The following SMIM10L3 variants were observed in gnomAD, a reference collection of about 807,000 sequenced individuals.
SMIM10L3 encodes the protein small integral membrane protein 10 like 3, also known as salivary gland specific protein SAGSIN1.
chr7:6,333,556 T>C, the SMIM10L3 span, among the ~76,000 whole-genome samples: 2 of 152,136 alleles, frequency 1.3e-5, no homozygotes, highest in East Asian at 3.9e-4. Context: ...TGGAGGACAA[T>C]GGCGTGATCA....
the SMIM10L3 span, among the ~76,000 whole-genome samples, chr7:6,333,972 A>G: frequency 6.1e-3 from 905 of 148,274 alleles, 5 homozygotes; most frequent in Middle Eastern, 0.015. Flanking sequence ...TCAGCCTCCC[A>G]AGTAGCTGGG....
At chr7:6,334,502 C>T in the SMIM10L3 span, among the ~76,000 whole-genome samples, 1 of 152,126 alleles carries the variant, frequency 6.6e-6, no homozygotes, top group Non-Finnish European at 1.5e-5. Context: ...GAGTCTCACT[C>T]TGTCACCCAG....
chr7:6,338,894 G>A, the SMIM10L3 span, among the ~76,000 whole-genome samples: 1 of 152,194 alleles, frequency 6.6e-6, no homozygotes, highest in Non-Finnish European at 1.5e-5. Context: ...GGGCCGCGGT[G>A]GGCCTTGAGG....
At chr7:6,331,343 C>G in the SMIM10L3 span, 1 of 638,474 alleles carries the variant, frequency 1.6e-6, no homozygotes, top group Non-Finnish European at 2.7e-6. Flanking sequence ...TTATGACAGT[C>G]TCCAGTACAG....
At chr7:6,335,366 G>A in the SMIM10L3 span, among the ~76,000 whole-genome samples, 1 of 151,896 alleles carries the variant, frequency 6.6e-6, no homozygotes, top group African/African-American at 2.4e-5. Flanking sequence ...GTGATTACAA[G>A]CGCCCGCCAC....
the SMIM10L3 span, among the ~76,000 whole-genome samples, chr7:6,339,913 C>G: frequency 3.2e-4 from 49 of 152,036 alleles, no homozygotes; most frequent in African/African-American, 1.1e-3. Context: ...GAGCATGAGT[C>G]TCACTCTGCC....
chr7:6,330,719 G>A, the SMIM10L3 span: 12 of 1,614,092 alleles, frequency 7.4e-6, no homozygotes, highest in Non-Finnish European at 9.3e-6. Context: ...TCTCCTTTGG[G>A]GCACTGTCCT....
At chr7:6,340,273 C>T in the SMIM10L3 span, among the ~76,000 whole-genome samples, 1 of 152,148 alleles carries the variant, frequency 6.6e-6, no homozygotes, top group African/African-American at 2.4e-5. Flanking sequence ...CTAAGGGCAT[C>T]CCAGCTGCTG....
the SMIM10L3 span, among the ~76,000 whole-genome samples, chr7:6,337,073 C>CTTTT: frequency 4.8e-5 from 7 of 144,934 alleles, no homozygotes; most frequent in South Asian, 8.8e-4. Context: ...TATTTTAATT[C>CTTTT]TTTTTTTTTT....
At chr7:6,336,232 G>C in the SMIM10L3 span, among the ~76,000 whole-genome samples, 1 of 151,454 alleles carries the variant, frequency 6.6e-6, no homozygotes, top group Admixed American at 6.6e-5. Context: ...TGTAGTCCCA[G>C]TCACTTGAGA....
chr7:6,335,845 G>C, the SMIM10L3 span, among the ~76,000 whole-genome samples: 1 of 151,984 alleles, frequency 6.6e-6, no homozygotes, highest in Non-Finnish European at 1.5e-5. Context: ...GACCAGCCTG[G>C]GCAACACAGC....
the SMIM10L3 span, among the ~76,000 whole-genome samples, chr7:6,335,116 G>C: frequency 6.6e-6 from 1 of 151,490 alleles, no homozygotes; most frequent in Non-Finnish European, 1.5e-5. Context: ...AGGCTGGACC[G>C]TAGTGGTGCA....
the SMIM10L3 span, among the ~76,000 whole-genome samples, chr7:6,339,701 G>A: frequency 6.6e-6 from 1 of 151,944 alleles, no homozygotes; most frequent in African/African-American, 2.4e-5. Flanking sequence ...TCGATCTCCT[G>A]ACCTCATGAT....
chr7:6,334,197 G>A, the SMIM10L3 span, among the ~76,000 whole-genome samples: 2 of 151,450 alleles, frequency 1.3e-5, no homozygotes, highest in Non-Finnish European at 2.9e-5. Context: ...TGAGTAGCTG[G>A]GATTACAGGT....
chr7:6,343,551 T>C, the SMIM10L3 span, among the ~76,000 whole-genome samples: 1 of 151,404 alleles, frequency 6.6e-6, no homozygotes, highest in Non-Finnish European at 1.5e-5. Context: ...ATTTTTAATC[T>C]TGCTTTTACT....
the SMIM10L3 span, among the ~76,000 whole-genome samples, chr7:6,337,553 A>G: frequency 6.6e-6 from 1 of 151,776 alleles, no homozygotes; most frequent in Admixed American, 6.6e-5. Context: ...ACATTTCTAG[A>G]ATTGTGTTAA....
chr7:6,330,249 T>TGGC, the SMIM10L3 span: 2 of 926,618 alleles, frequency 2.2e-6, no homozygotes, highest in Non-Finnish European at 3.2e-6. Flanking sequence ...ACTTTAAGTC[T>TGGC]GCCAGGTCGT....
the SMIM10L3 span, among the ~76,000 whole-genome samples, chr7:6,347,324 G>A: frequency 2.6e-5 from 4 of 152,174 alleles, no homozygotes; most frequent in African/African-American, 7.2e-5. Context: ...AGACCAGCCT[G>A]GCCAACATGG....
At chr7:6,348,946 T>G in the SMIM10L3 span, 1 of 377,724 alleles carries the variant, frequency 2.6e-6, no homozygotes, top group African/African-American at 2.1e-5. Flanking sequence ...CAGCCGCCTG[T>G]ACCAGCCTGG....
Sources: allele counts gnomAD v4.1 joint callset (sites outside exome capture counted in the v4.1 genomes callset), GRCh38; gene constraint gnomAD v4.1.1; transcripts MANE v1.5; gene names NCBI Gene and HGNC (gene_info 2026-07-23, HGNC 2026-07-21).